KREMEN1: variants seen among roughly 807,000 people sequenced by gnomAD.
KREMEN1 encodes the protein kringle containing transmembrane protein 1.
Under a neutral mutation model 46.5 loss-of-function variants are expected in KREMEN1, and 30 were observed. The ratio of observed to expected loss-of-function variants is 0.65; its 90% confidence interval spans 0.48 to 0.88. The LOEUF is 0.88. Among genes scored for constraint, KREMEN1 ranks in the 40% least tolerant of loss-of-function variants. The probability of loss-of-function intolerance (pLI) is 0.00; values close to 1 mark genes in which losing one functional copy is unlikely to be tolerated. For missense variants in KREMEN1, 533 were observed against 596.9 expected (o/e 0.89, Z 1.11); for synonymous variants, 214 against 230.6 (o/e 0.93, Z 0.65).
At chr22:29,098,776 C>A in intron 2 of KREMEN1, 86 bp from the exon 3 acceptor site, 1 of 991,438 alleles carries the variant, frequency 1.0e-6, no homozygotes, top group Non-Finnish European at 1.6e-6. Flanking sequence ...GAAGCTAAAG[C>A]ATTTCCTTTT....
intron 3 of KREMEN1, among the ~76,000 whole-genome samples, chr22:29,113,859 T>C (rs1370036024): frequency 1.3e-5 from 2 of 152,196 alleles, no homozygotes; most frequent in African/African-American, 4.8e-5. Flanking sequence ...GTTCTGTTTT[T>C]CATACGGTTC....
At chr22:29,097,258 C>G (rs1336127774) in intron 2 of KREMEN1, among the ~76,000 whole-genome samples, 1 of 152,168 alleles carries the variant, frequency 6.6e-6, no homozygotes, top group Non-Finnish European at 1.5e-5. Context: ...TGAAGAGAGG[C>G]GAGCCTTTTC....
intron 9 of KREMEN1, chr22:29,154,219 G>T (rs943542109): frequency 2.6e-5 from 4 of 152,080 alleles, no homozygotes; most frequent in Non-Finnish European, 5.9e-5. Flanking sequence ...CAAAGTAGGG[G>T]CAGTTCCCTC....
At chr22:29,158,031 A>G (rs1229919741) in intron 9 of KREMEN1, among the ~76,000 whole-genome samples, 1 of 152,228 alleles carries the variant, frequency 6.6e-6, no homozygotes, top group Non-Finnish European at 1.5e-5. Flanking sequence ...GGAGTTGTGT[A>G]CAATGAAATT....
At position 29,087,326 on chromosome 22, in the gene KREMEN1, T is replaced by TA. The variant is rs920550536; in HGVS notation, c.98-6923dup. On this transcript the variant is annotated intron_variant, in intron 1 of 8. Transcript: ENST00000400335. ...GAACAGAGACTTAACTTTGGTGGAT[T>TA]AAAAAAAAACAATGACTCTCATAAG... Among the ~76,000 whole-genome samples the TA allele has an allele frequency of 2.5e-4, 38 of 151,120 alleles. 1 individual carries two copies. The East Asian group carries it at 4.1e-3, about 16-fold the overall frequency.
At chr22:29,077,679 G>A (rs2037594381) in intron 1 of KREMEN1, among the ~76,000 whole-genome samples, 1 of 152,184 alleles carries the variant, frequency 6.6e-6, no homozygotes, top group Admixed American at 6.5e-5. Flanking sequence ...TACAGAAACA[G>A]GCAGTGAGCC....
In KREMEN1 at chr22:29,143,211, C is replaced by A; in HGVS notation, c.*1099C>A. ...TTCATTTACTCATGCAATAAATTCT[C>A]CTGCAAGCTTTTATGGGCACTCAGT... On this transcript the variant is annotated 3_prime_UTR_variant, in exon 9 of 9. Transcript: ENST00000400335. 1 of 985,362 alleles carries A rather than the reference C, an allele frequency of 1.0e-6. No individual in the cohort carries two copies. Among genetic ancestry groups the A allele is most frequent in the Non-Finnish European group, 1.2e-6 (1 of 829,908 alleles). The allele number at this position is 985,362 out of a possible 1,614,324, so 61.0% of individuals were successfully genotyped here. A position where few individuals can be genotyped will look rare whatever the true frequency, so the allele number is the denominator to read the frequency against.
chr22:29,166,902 C>T (rs565571366), intron 9 of KREMEN1: 251 of 676,014 alleles, frequency 3.7e-4, no homozygotes, highest in African/African-American at 2.5e-3. Flanking sequence ...CACCGCACTC[C>T]AGGCTGGGTG....
chr22:29,106,737 TC>T (rs1207594483), intron 3 of KREMEN1, among the ~76,000 whole-genome samples: 4 of 152,190 alleles, frequency 2.6e-5, no homozygotes, highest in Non-Finnish European at 5.9e-5. Context: ...TGGGATGGAT[TC>T]CGGCTACTGT....
At chr22:29,150,176 G>A (rs2038903927), downstream of KREMEN1, among the ~76,000 whole-genome samples, 1 of 152,092 alleles carries the variant, frequency 6.6e-6, no homozygotes, top group African/African-American at 2.4e-5. Context: ...GCTGTTGTCT[G>A]GAGCCACCAG....
rs1420596187 is a variant in KREMEN1 at position 29,143,104 on chromosome 22, C to T, written c.*992C>T. The T allele has an allele frequency of 9.1e-5, 67 of 732,406 alleles. No individual in the cohort carries two copies. Among genetic ancestry groups the T allele is most frequent in the Middle Eastern group, 1.4e-3 (2 of 1,414 alleles). The allele number at this position is 732,406 out of a possible 1,614,324, so 45.4% of individuals were successfully genotyped here. ...GGCTGAGATTGCAGTGAGCCGAGAT[C>T]GCACCACTGCACTCCAGCCTGGGTG... On this transcript the variant is annotated 3_prime_UTR_variant, in exon 9 of 9. Transcript: ENST00000400335.
chr22:29,141,477 C>T (rs138123314), intron 8 of KREMEN1, among the ~76,000 whole-genome samples: 142 of 152,318 alleles, frequency 9.3e-4, no homozygotes, highest in African/African-American at 3.2e-3. Flanking sequence ...CCTCTGACAT[C>T]GGCTGCAGCT....
intron 3 of KREMEN1, among the ~76,000 whole-genome samples, chr22:29,119,752 T>C (rs1292600739): frequency 6.6e-6 from 1 of 152,224 alleles, no homozygotes; most frequent in Non-Finnish European, 1.5e-5. Flanking sequence ...GACCAAACCA[T>C]CTGATGTGTG....
chr22:29,123,730 C>G (rs542607001), intron 4 of KREMEN1, among the ~76,000 whole-genome samples: 1 of 152,132 alleles, frequency 6.6e-6, no homozygotes, highest in Non-Finnish European at 1.5e-5. Context: ...GTGGAGGTTG[C>G]GGTGAGCCAA....
At chr22:29,118,908 TGCCCCCCACTTCAGATG>T (rs2038287000) in intron 3 of KREMEN1, among the ~76,000 whole-genome samples, 2 of 152,174 alleles carry the variant, frequency 1.3e-5, no homozygotes, top group African/African-American at 2.4e-5. Flanking sequence ...CCCACAAGAC[TGCCCCCCACTTCAGATG>T]CCAATTACAA....
chr22:29,163,793 G>A (rs1199970929), intron 9 of KREMEN1, among the ~76,000 whole-genome samples: 2 of 152,152 alleles, frequency 1.3e-5, no homozygotes, highest in Admixed American at 6.6e-5. Context: ...AGGGGTCAAG[G>A]GTTGAAAAAA....
chr22:29,140,201 CT>C (rs2038738465), intron 7 of KREMEN1, 80 bp from the exon 8 acceptor site: 2 of 1,055,284 alleles, frequency 1.9e-6, no homozygotes, highest in Admixed American at 3.4e-5. Flanking sequence ...GCCAGACTTA[CT>C]CACTTGGGTA....
intron 5 of KREMEN1, among the ~76,000 whole-genome samples, chr22:29,126,605 A>G (rs137936388): frequency 1.5e-3 from 227 of 152,306 alleles, no homozygotes; most frequent in African/African-American, 5.0e-3. Flanking sequence ...CGGTTACATA[A>G]CATTCACAGG....
intron 9 of KREMEN1, among the ~76,000 whole-genome samples, chr22:29,159,135 T>G (rs1042890470): frequency 8.0e-5 from 12 of 150,310 alleles, no homozygotes; most frequent in African/African-American, 1.5e-4. Context: ...TTTTTTTTTT[T>G]TTTTTTTTTT....
Sources: allele counts gnomAD v4.1 joint callset (sites outside exome capture counted in the v4.1 genomes callset), GRCh38; gene constraint gnomAD v4.1.1; transcripts MANE v1.5; gene names NCBI Gene and HGNC (gene_info 2026-07-23, HGNC 2026-07-21).